DLGAP2: variants seen among roughly 807,000 people sequenced by gnomAD.
The protein encoded by DLGAP2 is DLG associated protein 2.
In DLGAP2, 26 loss-of-function variants were observed where a neutral mutation model predicts 100.3. That is an observed-to-expected ratio of 0.26 (90% CI 0.19 to 0.36). DLGAP2 has a LOEUF of 0.36. Ranked by LOEUF, DLGAP2 falls within the 10% of genes least tolerant of loss-of-function variation. DLGAP2 has a pLI of 1.00. For synonymous variants in DLGAP2, 886 were observed against 630.1 expected (o/e 1.41, Z -6.08); for missense variants, 1,858 against 1,453.2 (o/e 1.28, Z -4.53).
chr8:1,656,653 G>A (rs1337066829), intron 8 of DLGAP2, among the ~76,000 whole-genome samples: 33 of 152,178 alleles, frequency 2.2e-4, no homozygotes, highest in Admixed American at 2.2e-3. Context: ...CTCTAACAGG[G>A]AGGGACCCAT....
intron 2 of DLGAP2, among the ~76,000 whole-genome samples, chr8:922,488 T>G (rs1343392866): frequency 1.3e-5 from 2 of 152,238 alleles, no homozygotes; most frequent in African/African-American, 2.4e-5. Context: ...GGAAAGGTTT[T>G]TAAAACTATG....
intron 1 of DLGAP2, among the ~76,000 whole-genome samples, chr8:789,161 A>G (rs1449971730): frequency 1.3e-5 from 2 of 152,126 alleles, no homozygotes; most frequent in East Asian, 3.8e-4. Flanking sequence ...TCCCGTTACC[A>G]TGTTGTATTA....
At chr8:1,180,978 C>T (rs1488908121) in intron 2 of DLGAP2, among the ~76,000 whole-genome samples, 1 of 44,854 alleles carries the variant, frequency 2.2e-5, no homozygotes, top group Non-Finnish European at 4.4e-5. Context: ...AGTACACTTA[C>T]TGTCGAGTGT....
intron 8 of DLGAP2, among the ~76,000 whole-genome samples, chr8:1,637,419 G>A (rs1022269094): frequency 4.6e-5 from 7 of 151,874 alleles, no homozygotes; most frequent in Admixed American, 3.9e-4. Flanking sequence ...ACTGTTGCGC[G>A]GGGCTCTCAG....
rs1305633203 is a variant in DLGAP2 at position 1,702,158 on chromosome 8, G to T, written c.*752G>T. 6.6e-6 allele frequency: 1 copy of T among 152,212 alleles called. No individual in the cohort carries two copies. The highest frequency in any genetic ancestry group is 1.5e-5 in the Non-Finnish European group (1 of 68,042). The allele number at this position is 152,212 out of a possible 1,614,324, so 9.4% of individuals were successfully genotyped here. ...CAGGAAGTCACGCGCAGAGAGGAGA[G>T]TCTTACGGAGGGCTGGGAGCTTAAA... On this transcript the variant is annotated 3_prime_UTR_variant, in exon 15 of 15. Transcript: ENST00000637795.
At chr8:879,361 G>A (rs6993875) in intron 1 of DLGAP2, among the ~76,000 whole-genome samples, 14,055 of 152,242 alleles carry the variant, frequency 0.092, 954 homozygotes, top group Admixed American at 0.23. Flanking sequence ...CTTGGGGAGC[G>A]TAGGGTTTAC....
chr8:1,220,066 T>C (rs1173722189), intron 2 of DLGAP2, among the ~76,000 whole-genome samples: 3 of 152,150 alleles, frequency 2.0e-5, no homozygotes, highest in African/African-American at 2.4e-5. Flanking sequence ...AACCAACTTA[T>C]GGTTTTGTTG....
At chr8:1,323,811 T>A (rs1800962300) in intron 3 of DLGAP2, among the ~76,000 whole-genome samples, 1 of 152,194 alleles carries the variant, frequency 6.6e-6, no homozygotes, top group East Asian at 1.9e-4. Context: ...ACATCGTGTT[T>A]CCTTTCCTAA....
chr8:1,068,721 C>T (rs954877343), intron 2 of DLGAP2, among the ~76,000 whole-genome samples: 1 of 152,166 alleles, frequency 6.6e-6, no homozygotes, highest in African/African-American at 2.4e-5. Flanking sequence ...GGCTGCACAG[C>T]AGGGGCTCAG....
intron 2 of DLGAP2, among the ~76,000 whole-genome samples, chr8:970,951 G>T (rs1799999787): frequency 6.6e-6 from 1 of 152,180 alleles, no homozygotes; most frequent in African/African-American, 2.4e-5. Context: ...CTGCTAGAAT[G>T]CAAGTGAAGA....
At chr8:1,060,353 G>A (rs1305597799) in intron 2 of DLGAP2, among the ~76,000 whole-genome samples, 1 of 72,844 alleles carries the variant, frequency 1.4e-5, no homozygotes, top group African/African-American at 3.5e-5. Flanking sequence ...CTGAGTGCTT[G>A]TGGATAGATA....
chr8:1,283,154 C>T (rs1339368890), intron 3 of DLGAP2, among the ~76,000 whole-genome samples: 1 of 150,982 alleles, frequency 6.6e-6, no homozygotes, highest in Non-Finnish European at 1.5e-5. Context: ...GCACGTGAAC[C>T]ATCTGGACGT....
intron 1 of DLGAP2, among the ~76,000 whole-genome samples, chr8:864,084 G>C (rs1797444546): frequency 6.6e-6 from 1 of 152,204 alleles, no homozygotes. Flanking sequence ...GCTAAGTAAA[G>C]TGAGCCAGGC....
At chr8:833,797 A>C (rs1048526957) in intron 1 of DLGAP2, among the ~76,000 whole-genome samples, 1 of 152,186 alleles carries the variant, frequency 6.6e-6, no homozygotes, top group East Asian at 1.9e-4. Context: ...TTTTACCATG[A>C]ATTTAGACAA....
chr8:1,267,482 C>T (rs182866850), intron 3 of DLGAP2, among the ~76,000 whole-genome samples: 1,610 of 149,826 alleles, frequency 0.011, 22 homozygotes, highest in African/African-American at 0.037. Flanking sequence ...TCGCTTGAAC[C>T]CAGGAGGTGG....
intron 4 of DLGAP2, among the ~76,000 whole-genome samples, chr8:1,524,794 T>C (rs1015369024): frequency 7.9e-5 from 12 of 152,186 alleles, no homozygotes; most frequent in African/African-American, 2.9e-4. Context: ...CTGGGCTTTC[T>C]GTGAACATCT....
intron 3 of DLGAP2, among the ~76,000 whole-genome samples, chr8:1,298,143 A>G (rs1192732572): frequency 6.6e-6 from 1 of 151,208 alleles, no homozygotes; most frequent in Non-Finnish European, 1.5e-5. Context: ...CACGTGAGAC[A>G]GGGAGGAGAA....
rs755768882 is a variant in DLGAP2, at chr8:1,706,113, G to C, written c.*4707G>C. On this transcript the variant is annotated 3_prime_UTR_variant, in exon 15 of 15. Coordinates refer to ENST00000637795, the MANE Select transcript of DLGAP2 (RefSeq NM_001346810.2). ...AACAAAGTGCTAAAGGAAAGGGTTT[G>C]CTTCTACACATTCGGCTGAATGTCC... is the stretch of plus-strand genomic sequence containing the variant. The C allele has an allele frequency of 6.6e-6, 1 of 152,218 alleles. No individual in the cohort carries two copies. Among genetic ancestry groups the C allele is most frequent in the Non-Finnish European group, 1.5e-5 (1 of 68,034 alleles). 9.4% of individuals were successfully genotyped at this position (152,218 alleles called of 1,614,324 possible).
chr8:914,063 A>G (rs1798542540), intron 2 of DLGAP2, among the ~76,000 whole-genome samples: 1 of 152,250 alleles, frequency 6.6e-6, no homozygotes, highest in African/African-American at 2.4e-5. Context: ...CATTTCTTTG[A>G]AAGATCAAAT....
Sources: gnomAD v4.1 joint callset for allele counts (sites outside exome capture counted in the v4.1 genomes callset) on GRCh38, gnomAD v4.1.1 for gene constraint, MANE v1.5 for transcripts, NCBI Gene and HGNC (gene_info 2026-07-23, HGNC 2026-07-21) for gene names.